DNMT1: variants seen among roughly 807,000 people sequenced by gnomAD.
The protein encoded by DNMT1 is DNA methyltransferase 1.
DNMT1 carries 24 observed loss-of-function variants against 205.3 expected under a neutral mutation model. The observed-to-expected ratio is 0.12, with a 90% CI of 0.08 to 0.16. The LOEUF is 0.16. Ranked by LOEUF, DNMT1 falls within the 10% of genes least tolerant of loss-of-function variation. The pLI is 1.00. For synonymous variants in DNMT1, 817 were observed against 839.8 expected (o/e 0.97, Z 0.47); for missense variants, 1,293 against 2,177.7 (o/e 0.59, Z 8.09).
rs1418083938 is a variant in DNMT1, at chr19:10,159,411, G to A, written c.1280+247C>T. ...TTGTATTTTCGGTAGGTTTCGCCAT[G>A]TTGGCCAGGCTGGTCTCGAACTCCT... On this transcript the variant is annotated intron_variant, in intron 17 of 40. Transcript: ENST00000359526. This position sits in a 1 kb window ranked among gnomAD's most constrained non-coding sequence, Gnocchi z 5.0. 6.6e-6 allele frequency among the ~76,000 whole-genome samples: 1 copy of A among 152,176 alleles called. No individual in the cohort carries two copies. Among genetic ancestry groups the A allele is most frequent in the Non-Finnish European group, 1.5e-5 (1 of 68,036 alleles).
At position 10,159,007 on chromosome 19, in the gene DNMT1, C is replaced by T. The variant is rs1213763131; in HGVS notation, c.1280+651G>A. On this transcript the variant is annotated intron_variant, in intron 17 of 40. Transcript: ENST00000359526. This position sits in a 1 kb window ranked among gnomAD's most constrained non-coding sequence, Gnocchi z 5.0. ...AAAATCTGTCGTGGCTGTCACTACC[C>T]GACAGGTATCACCCATTTCTGGCTC... Among the ~76,000 whole-genome samples the T allele has an allele frequency of 1.3e-5, 2 of 152,172 alleles. No homozygotes were observed. Among genetic ancestry groups the T allele is most frequent in the Admixed American group, 6.6e-5 (1 of 15,262 alleles).
chr19:10,169,449 G>C (rs12979227), intron 9 of DNMT1, among the ~76,000 whole-genome samples: 115,522 of 149,890 alleles, frequency 0.77, 44,953 homozygotes, highest in East Asian at 0.88. Context: ...CCCAGCTACT[G>C]GGGAGGTGGA....
rs77622758 is a variant in DNMT1, at chr19:10,193,772, C to G, written c.80+1048G>C. On this transcript the variant is annotated intron_variant, in intron 1 of 40. Transcript: ENST00000359526. ...GGACTGGCCCAACCAGGTCAGTTAA[C>G]AAGCCTAAGGAAATAGAAAAATGGC... Among the ~76,000 whole-genome samples, 6 of 151,886 alleles carry G rather than the reference C, an allele frequency of 4.0e-5. No individual in the cohort carries two copies. The East Asian group carries it at 1.2e-3, about 29-fold the overall frequency.
chr19:10,185,652 T>G (rs560131051), intron 1 of DNMT1, among the ~76,000 whole-genome samples: 5 of 151,512 alleles, frequency 3.3e-5, no homozygotes, highest in South Asian at 2.1e-4. Flanking sequence ...CACTGAGAGA[T>G]CCCATCTCTA....
Position 10,137,620 on chromosome 19 carries a change from C to T in DNMT1, c.4293+212G>A. ...CAGTGGTGGGTGGGCAGTGGCTTGA[C>T]ACCATTCCAGACCAAGTCCAGGACT... On this transcript the variant is annotated intron_variant, in intron 36 of 40. Coordinates refer to ENST00000359526, the MANE Select transcript of DNMT1 (RefSeq NM_001130823.3). This position sits in a 1 kb window ranked among gnomAD's most constrained non-coding sequence, Gnocchi z 6.4. The T allele has an allele frequency of 1.4e-6, 1 of 732,716 alleles. No individual in the cohort carries two copies. Among genetic ancestry groups the T allele is most frequent in the Non-Finnish European group, 2.3e-6 (1 of 442,744 alleles). 45.4% of individuals were successfully genotyped at this position (732,716 alleles called of 1,614,324 possible). A position where few individuals can be genotyped will look rare whatever the true frequency, so the allele number is the denominator to read the frequency against.
intron 1 of DNMT1, among the ~76,000 whole-genome samples, chr19:10,182,396 TATATATATAC>T (rs1489350758): frequency 1.2e-5 from 1 of 82,948 alleles, no homozygotes; most frequent in African/African-American, 4.4e-5. Flanking sequence ...TATATATGTG[TATATATATAC>T]ATATATATGT....
chr19:10,148,261 C>T (rs1179191176), intron 27 of DNMT1, among the ~76,000 whole-genome samples: 4 of 151,190 alleles, frequency 2.6e-5, no homozygotes, highest in African/African-American at 9.7e-5. Flanking sequence ...CTTTGGGAGG[C>T]CAAGGCGGGC....
rs2089537597 is a variant in DNMT1, at chr19:10,138,509, C to T, written c.4045G>A (p.Val1349Met). 1.9e-6 allele frequency: 3 copies of T among 1,613,612 alleles called. No individual in the cohort carries two copies. Among genetic ancestry groups the T allele is most frequent in the Non-Finnish European group, 2.5e-6 (3 of 1,180,040 alleles). The change falls in exon 35 of 41, where the codon GTG becomes ATG. Residue 1349 changes from valine (V) to methionine (M), a missense_variant. By Grantham distance (21) the Val-to-Met change is conservative (BLOSUM62 1). Transcript: ENST00000359526. This position sits in a 1 kb window ranked among gnomAD's most constrained non-coding sequence, Gnocchi z 4.1. ...AGCTGGCAGGCCCGGGGAGCAAACACGTGCAGTGGCTCCGGGAACAGAGGG... is the reference window on the plus strand; with the variant it reads ...AGCTGGCAGGCCCGGGGAGCAAACATGTGCAGTGGCTCCGGGAACAGAGGG... ...KLPLFPEPLH[V>M]FAPRACQLSV...
At chr19:10,184,326 G>C (rs1054737330) in intron 1 of DNMT1, 3 of 152,190 alleles carry the variant, frequency 2.0e-5, no homozygotes, top group Non-Finnish European at 4.4e-5. Context: ...TACCCACACA[G>C]AGGGCAGATA....
intron 1 of DNMT1, among the ~76,000 whole-genome samples, chr19:10,189,975 G>A (rs939691608): frequency 6.6e-6 from 1 of 152,050 alleles, no homozygotes; most frequent in African/African-American, 2.4e-5. Flanking sequence ...AAACACCAAG[G>A]CACCAAGAAG....
intron 28 of DNMT1, chr19:10,144,188 C>T (rs554585946): frequency 2.4e-5 from 15 of 616,566 alleles, no homozygotes; most frequent in African/African-American, 2.0e-4. Flanking sequence ...GGCAGGTGGA[C>T]CACAAGGTCA....
chr19:10,173,954 G>A (rs1277089477), intron 7 of DNMT1, 49 bp from the exon 8 acceptor site: 1 of 1,582,146 alleles, frequency 6.3e-7, no homozygotes, highest in Non-Finnish European at 8.7e-7. Flanking sequence ...CTGGTTTCAA[G>A]GGAAGGTCAA....
intron 10 of DNMT1, among the ~76,000 whole-genome samples, chr19:10,166,961 TG>T (rs2038708665): frequency 6.6e-6 from 1 of 152,180 alleles, no homozygotes; most frequent in Non-Finnish European, 1.5e-5. Flanking sequence ...CGTGGCCTGA[TG>T]GGAATCCAGC....
chr19:10,141,320 A>T, intron 30 of DNMT1, 131 bp from the exon 31 acceptor site: 1 of 855,192 alleles, frequency 1.2e-6, no homozygotes, highest in Non-Finnish European at 2.0e-6. Context: ...TTAGCCACCA[A>T]TAAGAGTAGT....
intron 39 of DNMT1, among the ~76,000 whole-genome samples, chr19:10,135,070 G>C (rs1042893285): frequency 6.6e-6 from 1 of 151,786 alleles, no homozygotes; most frequent in Non-Finnish European, 1.5e-5. Context: ...AAATTAGCCG[G>C]GTGTGGTAGC....
intron 4 of DNMT1, 27 bp from the exon 5 acceptor site, chr19:10,180,261 G>A (rs768540604): frequency 2.2e-5 from 33 of 1,507,462 alleles, no homozygotes; most frequent in East Asian, 4.6e-5. Flanking sequence ...ACAGTGAGCC[G>A]AGGTTACACC....
chr19:10,149,966 A>G lies in DNMT1; in HGVS notation c.2268T>C (p.Thr756=), dbSNP rs374841430. The G allele has an allele frequency of 2.8e-5, 45 of 1,613,844 alleles. No homozygotes were observed. Among genetic ancestry groups the G allele is most frequent in the South Asian group, 1.9e-4 (17 of 91,078 alleles). ...RISWVGEAVK[T]DGKKSYYKKV... is the part of the protein sequence containing the mutation. Reference sequence around the variant, plus strand: ...TCTTATAGTAACTCTTCTTCCCATCAGTCTGAAAATGAGAGCATAAGTTCA... The same window carrying G: ...TCTTATAGTAACTCTTCTTCCCATCGGTCTGAAAATGAGAGCATAAGTTCA... Residue 756 remains threonine, a splice_region_variant and synonymous_variant, in exon 25 of 41, where the codon ACT becomes ACC. Coordinates refer to ENST00000359526, the MANE Select transcript of DNMT1 (RefSeq NM_001130823.3).
At chr19:10,191,793 A>C (rs2039309483) in intron 1 of DNMT1, among the ~76,000 whole-genome samples, 1 of 152,058 alleles carries the variant, frequency 6.6e-6, no homozygotes, top group Admixed American at 6.6e-5. Context: ...CCAGGAGTTC[A>C]AGACCAGCCT....
chr19:10,165,749 G>A (rs2038677409), intron 11 of DNMT1, among the ~76,000 whole-genome samples: 1 of 152,146 alleles, frequency 6.6e-6, no homozygotes, highest in Non-Finnish European at 1.5e-5. Context: ...TCAGGCCCCT[G>A]CCAGTTTCCA....
Sources: gnomAD v4.1 joint callset for allele counts (sites outside exome capture counted in the v4.1 genomes callset) on GRCh38, gnomAD v4.1.1 for gene constraint, Gnocchi (gnomAD v3.1) non-coding constraint, MANE v1.5 for transcripts, NCBI Gene and HGNC (gene_info 2026-07-23, HGNC 2026-07-21) for gene names.